The following PIK3C2G variants were observed in gnomAD, a reference collection of about 807,000 sequenced individuals.
PIK3C2G encodes phosphatidylinositol 3-kinase C2 domain-containing subunit gamma.
A neutral mutation model predicts 181.1 loss-of-function variants in PIK3C2G; 168 were observed. The ratio of observed to expected loss-of-function variants is 0.93; its 90% CI spans 0.82 to 1.05. PIK3C2G has a LOEUF of 1.05. Ranked by LOEUF, PIK3C2G falls within the 50% of genes least tolerant of loss-of-function variation. PIK3C2G has a pLI of 0.00. For synonymous variants in PIK3C2G, 573 were observed against 592.2 expected (o/e 0.97, Z 0.47); for missense variants, 1,869 against 1,732.8 (o/e 1.08, Z -1.40).
intron 8 of PIK3C2G, among the ~76,000 whole-genome samples, chr12:18,334,850 T>C (rs992526334): frequency 2.6e-5 from 4 of 152,106 alleles, no homozygotes; most frequent in Admixed American, 2.6e-4. Context: ...TGTGAGTGCA[T>C]GTGTGTGTGC....
At chr12:18,642,579 C>T (rs79293750) in intron 32 of PIK3C2G, among the ~76,000 whole-genome samples, 6,253 of 152,180 alleles carry the variant, frequency 0.041, 420 homozygotes, top group African/African-American at 0.14. Context: ...TTGAGACTGA[C>T]CTCAGATGTG....
chr12:18,491,526 C>A lies in PIK3C2G; in HGVS notation c.2761C>A (p.Pro921Thr), dbSNP rs558526586. ...DVNTCHLPLN[P>T]ALCIKGIDHD... Reference sequence around the variant, plus strand: ...AAATACTTGTCATCTTCCTCTGAACCCTGCCCTATGTATAAAAGGGATTGA... The same window carrying A: ...AAATACTTGTCATCTTCCTCTGAACACTGCCCTATGTATAAAAGGGATTGA... The change falls in exon 20 of 33, where the codon CCT (proline) becomes ACT (threonine). Residue 921 changes from proline (P) to threonine (T), a missense_variant. Coordinates refer to ENST00000538779, the MANE Select transcript of PIK3C2G (RefSeq NM_001288772.2). 24 of 1,603,534 alleles carry A rather than the reference C, an allele frequency of 1.5e-5. No homozygotes were observed. In the East Asian group the frequency reaches 4.7e-4, roughly 31 times the overall value.
intron 1 of PIK3C2G, among the ~76,000 whole-genome samples, chr12:18,251,788 A>C (rs1948097957): frequency 6.6e-6 from 1 of 152,080 alleles, no homozygotes; most frequent in Non-Finnish European, 1.5e-5. Flanking sequence ...AGAAATATGC[A>C]TACCACAGTC....
At chr12:18,534,235 C>A (rs1943720852) in intron 24 of PIK3C2G, among the ~76,000 whole-genome samples, 1 of 152,046 alleles carries the variant, frequency 6.6e-6, no homozygotes. Flanking sequence ...CAGGTGTGAG[C>A]CACCATGCCC....
At chr12:18,579,891 T>C (rs931235957) in intron 29 of PIK3C2G, among the ~76,000 whole-genome samples, 1 of 152,112 alleles carries the variant, frequency 6.6e-6, no homozygotes, top group Non-Finnish European at 1.5e-5. Context: ...TCCCAGCACT[T>C]TGGGAGGCCG....
At chr12:18,548,067 C>G (rs1023436309) in intron 26 of PIK3C2G, among the ~76,000 whole-genome samples, 1 of 151,952 alleles carries the variant, frequency 6.6e-6, no homozygotes, top group Non-Finnish European at 1.5e-5. Context: ...GACTGTTTAA[C>G]CCGAGTACAA....
chr12:18,557,233 C>T (rs1945059225), intron 26 of PIK3C2G, among the ~76,000 whole-genome samples: 1 of 151,854 alleles, frequency 6.6e-6, no homozygotes, highest in Non-Finnish European at 1.5e-5. Flanking sequence ...TAATAAAGCT[C>T]TCTAATTAAA....
intron 13 of PIK3C2G, among the ~76,000 whole-genome samples, chr12:18,378,196 T>C (rs1185755338): frequency 6.6e-6 from 1 of 152,130 alleles, no homozygotes; most frequent in African/African-American, 2.4e-5. Flanking sequence ...CCACTCAGAT[T>C]TCTGGAGTAA....
chr12:18,345,910 T>G (rs2137657227), intron 10 of PIK3C2G, among the ~76,000 whole-genome samples: 1 of 152,276 alleles, frequency 6.6e-6, no homozygotes, highest in South Asian at 2.1e-4. Flanking sequence ...AGAACACAAT[T>G]TCTGATGATG....
intron 26 of PIK3C2G, among the ~76,000 whole-genome samples, chr12:18,558,310 A>G (rs1945120448): frequency 6.6e-6 from 1 of 152,200 alleles, no homozygotes. Flanking sequence ...ATTTGGAGAA[A>G]CCATATAGCC....
Position 18,535,926 on chromosome 12 carries a change from G to A in PIK3C2G, c.3324-2230G>A, listed in dbSNP as rs139643660. On this transcript the variant is annotated intron_variant, in intron 24 of 32. Coordinates refer to ENST00000538779, the MANE Select transcript of PIK3C2G (RefSeq NM_001288772.2). Reference sequence around the variant, plus strand: ...TGAACAATGAGATCACATGGACACAGGAAGGGGAACATCACACACCAGGGC... The same window carrying A: ...TGAACAATGAGATCACATGGACACAAGAAGGGGAACATCACACACCAGGGC... Among the ~76,000 whole-genome samples the A allele has an allele frequency of 4.4e-4, 66 of 151,252 alleles. No individual in the cohort carries two copies. The East Asian group carries it at 9.6e-3, about 22-fold the overall frequency.
chr12:18,523,868 G>A (rs541018383), intron 24 of PIK3C2G, among the ~76,000 whole-genome samples: 24 of 152,348 alleles, frequency 1.6e-4, no homozygotes, highest in African/African-American at 5.3e-4. Flanking sequence ...CTGATCTACA[G>A]TTGCCTGTCA....
At chr12:18,303,006 G>A (rs754992218) in intron 5 of PIK3C2G, among the ~76,000 whole-genome samples, 11 of 152,196 alleles carry the variant, frequency 7.2e-5, no homozygotes, top group Non-Finnish European at 1.3e-4. Context: ...GAGCAGGCCT[G>A]TCCTCAGACC....
chr12:18,286,897 G>T lies in PIK3C2G; in HGVS notation c.729G>T (p.Thr243=). The stretch of plus-strand genomic sequence containing the variant: ...TGGAAGTACCTCAAAGCAGCAATAC[G>T]AGTCTGGCCTCTTTTTGCAACAAAG... ...QLVEVPQSSN[T]SLASFCNKVK... Residue 243 remains threonine, a synonymous_variant, in exon 3 of 33, where the codon ACG becomes ACT. Transcript: ENST00000538779. The T allele has an allele frequency of 6.4e-7, 1 of 1,573,564 alleles. No homozygotes were observed. Among genetic ancestry groups the T allele is most frequent in the Non-Finnish European group, 8.6e-7 (1 of 1,159,244 alleles).
intron 5 of PIK3C2G, among the ~76,000 whole-genome samples, chr12:18,313,673 G>A (rs562308771): frequency 3.3e-5 from 5 of 151,934 alleles, no homozygotes; most frequent in Non-Finnish European, 7.4e-5. Flanking sequence ...TTCTAAAGGT[G>A]TCTAATCATT....
At chr12:18,630,366 C>A (rs982305598) in intron 31 of PIK3C2G, among the ~76,000 whole-genome samples, 3 of 151,884 alleles carry the variant, frequency 2.0e-5, no homozygotes, top group African/African-American at 7.3e-5. Flanking sequence ...CACCCCAGCC[C>A]GGGTAACAGA....
At chr12:18,567,421 T>G (rs1945695317) in intron 29 of PIK3C2G, among the ~76,000 whole-genome samples, 1 of 152,138 alleles carries the variant, frequency 6.6e-6, no homozygotes, top group South Asian at 2.1e-4. Context: ...TATTTTATGA[T>G]AACATTCTTT....
intron 3 of PIK3C2G, among the ~76,000 whole-genome samples, chr12:18,288,499 C>T (rs762801825): frequency 9.9e-5 from 15 of 152,078 alleles, no homozygotes; most frequent in Non-Finnish European, 2.1e-4. Context: ...CTCAAGTTCA[C>T]GAAAATGTTC....
intron 25 of PIK3C2G, among the ~76,000 whole-genome samples, chr12:18,546,102 T>C (rs1482153290): frequency 1.3e-5 from 2 of 151,948 alleles, no homozygotes; most frequent in Non-Finnish European, 2.9e-5. Context: ...GTTCCAATTA[T>C]AGTGGTTCTT....
Sources: allele counts gnomAD v4.1 joint callset (sites outside exome capture counted in the v4.1 genomes callset), GRCh38; gene constraint gnomAD v4.1.1; transcripts MANE v1.5; gene names NCBI Gene and HGNC (gene_info 2026-07-23, HGNC 2026-07-21).